The following TMEM102 variants were observed in gnomAD, a reference collection of about 807,000 sequenced individuals.
The protein encoded by TMEM102 is transmembrane protein 102.
TMEM102 carries 28 observed loss-of-function variants against 26.8 expected under a neutral mutation model. The observed-to-expected ratio is 1.05, with a 90% CI of 0.77 to 1.43. TMEM102 has a LOEUF of 1.43. Ranked by LOEUF, TMEM102 falls within the 40% of genes most tolerant of loss-of-function variation. The probability of loss-of-function intolerance (pLI) is 0.00; values close to 1 mark genes in which losing one functional copy is unlikely to be tolerated. For synonymous variants in TMEM102, 306 were observed against 332.1 expected (o/e 0.92, Z 0.86); for missense variants, 677 against 705.6 (o/e 0.96, Z 0.46).
In TMEM102 at chr17:7,437,134, G is replaced by T; in HGVS notation, c.1155G>T (p.Ala385=). The T allele has an allele frequency of 1.4e-6, 2 of 1,457,668 alleles. No individual in the cohort carries two copies. The highest frequency in any genetic ancestry group is 1.5e-5 in the African/African-American group (1 of 66,980). The allele number at this position is 1,457,668 out of a possible 1,614,324, so 90.3% of individuals were successfully genotyped here. A position where few individuals can be genotyped will look rare whatever the true frequency, so the allele number is the denominator to read the frequency against. The change falls in exon 3 of 3, where the codon GCG becomes GCT. Residue 385 remains alanine (A), a synonymous_variant. Coordinates refer to ENST00000323206, the MANE Select transcript of TMEM102 (RefSeq NM_178518.3). The surrounding 1 kb of genome is among the most constrained non-coding windows in gnomAD (Gnocchi z 4.2). ...KARIPAPLLQ[A]HAAAQALLRP... ...GCATACCAGCGCCGCTGCTGCAGGCGCACGCGGCGGCCCAGGCGCTACTGC... is the reference window on the plus strand; with the variant it reads ...GCATACCAGCGCCGCTGCTGCAGGCTCACGCGGCGGCCCAGGCGCTACTGC...
In TMEM102 at chr17:7,436,908, C is replaced by A. The variant is rs202087288; in HGVS notation, c.929C>A (p.Pro310His). The change falls in exon 3 of 3, where the codon CCT becomes CAT. Residue 310 changes from proline (P) to histidine (H), a missense_variant. By Grantham distance (77) the Pro-to-His change is moderately conservative. Coordinates refer to ENST00000323206, the MANE Select transcript of TMEM102 (RefSeq NM_178518.3). The stretch of plus-strand genomic sequence containing the variant: ...GTCCTCCTGGCTACCCCTGAGCCCC[C>A]TCGCCGCCTCCTGCTCTTCGACCTG... The part of the protein sequence containing the change: ...TTVLLATPEP[P>H]RRLLLFDLIP... 3 of 1,608,574 alleles carry A rather than the reference C, an allele frequency of 1.9e-6. No homozygotes were observed. In the African/African-American group the frequency reaches 4.0e-5, roughly 21 times the overall value.
In TMEM102 at chr17:7,436,680, C is replaced by T. The variant is rs1160238956; in HGVS notation, c.701C>T (p.Thr234Ile). The T allele has an allele frequency of 6.2e-7, 1 of 1,613,824 alleles. No homozygotes were observed. Among genetic ancestry groups the T allele is most frequent in the South Asian group, 1.1e-5 (1 of 91,088 alleles). ...CTTGGCTCTACCGCACCTTTGAAAA[C>T]AATGAGTAGTGACGTCACCAAGGCA... ...VDLGSTAPLK[T>I]MSSDVTKAAV... is the part of the protein sequence containing the mutation. Residue 234 changes from threonine to isoleucine, a missense_variant, in exon 3 of 3, where the codon ACA (threonine) becomes ATA (isoleucine). Thr to Ile is a moderately conservative substitution (Grantham distance 89, BLOSUM62 -1). Coordinates refer to ENST00000323206, the MANE Select transcript of TMEM102 (RefSeq NM_178518.3).
In TMEM102 at chr17:7,437,469, G is replaced by A; in HGVS notation, c.1490G>A (p.Gly497Glu). The change falls in exon 3 of 3, where the codon GGG (glycine) becomes GAG (glutamate). Residue 497 changes from glycine to glutamate, a missense_variant. Physicochemically the swap from Gly to Glu is moderately conservative, Grantham distance 98. Coordinates refer to ENST00000323206, the MANE Select transcript of TMEM102 (RefSeq NM_178518.3). This position sits in a 1 kb window ranked among gnomAD's most constrained non-coding sequence, Gnocchi z 4.2. ...AVEEAKVARK[G>E]GGLAGVGGGA... ...GAGGAGGCCAAAGTGGCCCGCAAGG[G>A]GGGCGGTTTGGCGGGCGTGGGGGGC... The A allele has an allele frequency of 7.1e-7, 1 of 1,413,772 alleles. No individual in the cohort carries two copies. The highest frequency in any genetic ancestry group is 1.5e-5 in the African/African-American group (1 of 66,138). 87.6% of individuals were successfully genotyped at this position (1,413,772 alleles called of 1,614,324 possible).
At position 7,437,344 on chromosome 17, in the gene TMEM102, G is replaced by C. The variant is rs367677400; in HGVS notation, c.1365G>C (p.Leu455=). The change falls in exon 3 of 3, where the codon CTG becomes CTC. Residue 455 remains leucine (L), a synonymous_variant. Coordinates refer to ENST00000323206, the MANE Select transcript of TMEM102 (RefSeq NM_178518.3). The surrounding 1 kb of genome is among the most constrained non-coding windows in gnomAD (Gnocchi z 4.2). ...CCGGGACGTTGCCTCACTATTTTCT[G>C]AACGGCCGACAGCTCCGTACGGGGG... ...LEAGTLPHYF[L]NGRQLRTGDD... is the part of the protein sequence containing the mutation. The C allele has an allele frequency of 1.3e-5, 21 of 1,573,480 alleles. No homozygotes were observed. The African/African-American group carries it at 2.0e-4, about 15-fold the overall frequency.
At position 7,435,861 on chromosome 17, in the gene TMEM102, G is replaced by T; in HGVS notation, c.-11G>T. On this transcript the variant is annotated 5_prime_UTR_variant, in exon 2 of 3. Coordinates refer to ENST00000323206, the MANE Select transcript of TMEM102 (RefSeq NM_178518.3). Reference sequence around the variant, plus strand: ...TTCCGTGTTTTCCGCAGCCCAAAGCGATAGAACCGCATGGCTTCCGCAGTC... The same window carrying T: ...TTCCGTGTTTTCCGCAGCCCAAAGCTATAGAACCGCATGGCTTCCGCAGTC... 6.3e-7 allele frequency: 1 copy of T among 1,584,502 alleles called. No individual in the cohort carries two copies. Among genetic ancestry groups the T allele is most frequent in the South Asian group, 1.1e-5 (1 of 88,972 alleles).
chr17:7,437,233 G>GCTGCCTGCGCT lies in TMEM102; in HGVS notation c.1257_1267dup (p.Tyr423CysfsTer20), dbSNP rs1166408236. 6.6e-7 allele frequency: 1 copy of GCTGCCTGCGCT among 1,515,298 alleles called. No homozygotes were observed. Among genetic ancestry groups the GCTGCCTGCGCT allele is most frequent in the Non-Finnish European group, 8.8e-7 (1 of 1,134,620 alleles). 93.9% of individuals were successfully genotyped at this position (1,515,298 alleles called of 1,614,324 possible). A position where few individuals can be genotyped will look rare whatever the true frequency, so the allele number is the denominator to read the frequency against. On this transcript the variant is annotated frameshift_variant, in exon 3 of 3. Coordinates refer to ENST00000323206, the MANE Select transcript of TMEM102 (RefSeq NM_178518.3). LOFTEE classifies it high-confidence loss of function. This position sits in a 1 kb window ranked among gnomAD's most constrained non-coding sequence, Gnocchi z 4.2. ...CGCTGCTGTACTGGGCGTGCGAGCG[G>GCTGCCTGCGCT]CTGCCTGCGCTCTACCTGGCGCGGC...
Position 7,436,314 on chromosome 17 carries a change from G to C in TMEM102, c.335G>C (p.Gly112Ala). The C allele has an allele frequency of 1.2e-6, 2 of 1,613,814 alleles. No homozygotes were observed. The highest frequency in any genetic ancestry group is 2.2e-5 in the East Asian group (1 of 44,888). ...GCACCCCTGGGTCCCTACGCCCGGG[G>C]ACCTCACTACGATGCCGGCTTCACA... ...GHAPLGPYAR[G>A]PHYDAGFTLL... is the part of the protein sequence containing the mutation. Residue 112 changes from glycine (G) to alanine (A), a missense_variant, in exon 3 of 3, where the codon GGA becomes GCA. Gly to Ala is a moderately conservative substitution (Grantham distance 60, BLOSUM62 0). Coordinates refer to ENST00000323206, the MANE Select transcript of TMEM102 (RefSeq NM_178518.3).
At position 7,436,492 on chromosome 17, in the gene TMEM102, T is replaced by C. The variant is rs757228543; in HGVS notation, c.513T>C (p.Arg171=). 2 of 1,613,784 alleles carry C rather than the reference T, an allele frequency of 1.2e-6. No individual in the cohort carries two copies. Among genetic ancestry groups the C allele is most frequent in the Non-Finnish European group, 1.7e-6 (2 of 1,180,022 alleles). Residue 171 remains arginine (R), a synonymous_variant, in exon 3 of 3, where the codon CGT becomes CGC. Coordinates refer to ENST00000323206, the MANE Select transcript of TMEM102 (RefSeq NM_178518.3). The part of the protein sequence containing the change: ...DCLGPPVPGA[R]DSIHRTESEE... ...TAGGACCCCCAGTCCCAGGAGCACGTGATTCGATCCACCGAACGGAGAGCG... is the reference window on the plus strand; with the variant it reads ...TAGGACCCCCAGTCCCAGGAGCACGCGATTCGATCCACCGAACGGAGAGCG...
chr17:7,436,102 G>C lies in TMEM102; in HGVS notation c.214+17G>C, dbSNP rs988503665. On this transcript the variant is annotated intron_variant, in intron 2 of 2. Transcript: ENST00000323206. ...CTTTGCTTGGTAAGTAACCCTACTTGCCTTTGGGAACTCACAGCTCTCAGC... is the reference window on the plus strand; with the variant it reads ...CTTTGCTTGGTAAGTAACCCTACTTCCCTTTGGGAACTCACAGCTCTCAGC... 6.2e-7 allele frequency: 1 copy of C among 1,610,502 alleles called. No homozygotes were observed. The highest frequency in any genetic ancestry group is 1.7e-5 in the Admixed American group (1 of 59,984).
rs760966453 is a variant in TMEM102, at chr17:7,437,488, G to T, written c.1509G>T (p.Val503=). 5 of 1,394,588 alleles carry T rather than the reference G, an allele frequency of 3.6e-6. No homozygotes were observed. The highest frequency in any genetic ancestry group is 5.9e-5 in the East Asian group (2 of 33,872). 86.4% of individuals were successfully genotyped at this position (1,394,588 alleles called of 1,614,324 possible). ...VARKGGGLAG[V]GGGAH ...GCAAGGGGGGCGGTTTGGCGGGCGTGGGGGGCGGGGCCCATTAAAGACGCT... is the reference window on the plus strand; with the variant it reads ...GCAAGGGGGGCGGTTTGGCGGGCGTTGGGGGCGGGGCCCATTAAAGACGCT... Residue 503 remains valine (V), a synonymous_variant, in exon 3 of 3, where the codon GTG becomes GTT. Coordinates refer to ENST00000323206, the MANE Select transcript of TMEM102 (RefSeq NM_178518.3). This position sits in a 1 kb window ranked among gnomAD's most constrained non-coding sequence, Gnocchi z 4.2.
At position 7,435,444 on chromosome 17, in the gene TMEM102, T is replaced by C. The variant is rs1907972795; in HGVS notation, c.-272T>C. 1 of 157,912 alleles carries C rather than the reference T, an allele frequency of 6.3e-6. No homozygotes were observed. Among genetic ancestry groups the C allele is most frequent in the Non-Finnish European group, 1.4e-5 (1 of 72,178 alleles). 9.8% of individuals were successfully genotyped at this position (157,912 alleles called of 1,614,324 possible). A position where few individuals can be genotyped will look rare whatever the true frequency, so the allele number is the denominator to read the frequency against. ...CTGAAAATGTAGGGGCGTGGCCACG[T>C]GGGCATCAGGAAGAAGTAACCTGTT... On this transcript the variant is annotated 5_prime_UTR_variant, in exon 1 of 3. Coordinates refer to ENST00000323206, the MANE Select transcript of TMEM102 (RefSeq NM_178518.3).
In TMEM102 at chr17:7,437,451, C is replaced by A; in HGVS notation, c.1472C>A (p.Ala491Asp). ...GCCCTCCGTGCCGCGGTGGAGGAGG[C>A]CAAAGTGGCCCGCAAGGGGGGCGGT... Reference protein sequence around the residue: ...ARALRAAVEEAKVARKGGGLA... With the variant: ...ARALRAAVEEDKVARKGGGLA... Residue 491 changes from alanine to aspartate, a missense_variant, in exon 3 of 3, where the codon GCC (alanine) becomes GAC (aspartate). Physicochemically the swap from Ala to Asp is moderately radical, Grantham distance 126 (BLOSUM62 -2). Coordinates refer to ENST00000323206, the MANE Select transcript of TMEM102 (RefSeq NM_178518.3). This position sits in a 1 kb window ranked among gnomAD's most constrained non-coding sequence, Gnocchi z 4.2. The A allele has an allele frequency of 1.4e-6, 2 of 1,437,652 alleles. No homozygotes were observed. The highest frequency in any genetic ancestry group is 1.8e-6 in the Non-Finnish European group (2 of 1,095,752). 89.1% of individuals were successfully genotyped at this position (1,437,652 alleles called of 1,614,324 possible).
In TMEM102 at chr17:7,436,348, G is replaced by T; in HGVS notation, c.369G>T (p.Val123=). The change falls in exon 3 of 3, where the codon GTG becomes GTT. Residue 123 remains valine (V), a synonymous_variant. Coordinates refer to ENST00000323206, the MANE Select transcript of TMEM102 (RefSeq NM_178518.3). The stretch of plus-strand genomic sequence containing the variant: ...ACGATGCCGGCTTCACACTCCTAGT[G>T]CCCATGTTTTCACTGGACGGCACTG... ...PHYDAGFTLL[V]PMFSLDGTEL... 1.2e-6 allele frequency: 2 copies of T among 1,613,762 alleles called. No homozygotes were observed. The highest frequency in any genetic ancestry group is 3.3e-5 in the Admixed American group (2 of 60,026).
Position 7,437,457 on chromosome 17 carries a change from T to A in TMEM102, c.1478T>A (p.Val493Glu). The A allele has an allele frequency of 7.0e-7, 1 of 1,424,922 alleles. No homozygotes were observed. The allele number at this position is 1,424,922 out of a possible 1,614,324, so 88.3% of individuals were successfully genotyped here. ...ALRAAVEEAKVARKGGGLAGV... is the reference protein window; with the variant it reads ...ALRAAVEEAKEARKGGGLAGV... ...CGTGCCGCGGTGGAGGAGGCCAAAG[T>A]GGCCCGCAAGGGGGGCGGTTTGGCG... The change falls in exon 3 of 3, where the codon GTG becomes GAG. Residue 493 changes from valine (V) to glutamate (E), a missense_variant. Physicochemically the swap from Val to Glu is moderately radical, Grantham distance 121. Coordinates refer to ENST00000323206, the MANE Select transcript of TMEM102 (RefSeq NM_178518.3). The surrounding 1 kb of genome is among the most constrained non-coding windows in gnomAD (Gnocchi z 4.2).
In TMEM102 at chr17:7,437,543, G is replaced by A; in HGVS notation, c.*37G>A. 3 of 1,304,968 alleles carry A rather than the reference G, an allele frequency of 2.3e-6. No individual in the cohort carries two copies. The highest frequency in any genetic ancestry group is 2.0e-6 in the Non-Finnish European group (2 of 1,015,540). The allele number at this position is 1,304,968 out of a possible 1,614,324, so 80.8% of individuals were successfully genotyped here. A position where few individuals can be genotyped will look rare whatever the true frequency, so the allele number is the denominator to read the frequency against. ...CTACCAGTGGAAAGTGCCTCTGTGGGCGAGCGGGACGTGGGGGGCCCTGCT... is the reference window on the plus strand; with the variant it reads ...CTACCAGTGGAAAGTGCCTCTGTGGACGAGCGGGACGTGGGGGGCCCTGCT... On this transcript the variant is annotated 3_prime_UTR_variant, in exon 3 of 3. Transcript: ENST00000323206. The surrounding 1 kb of genome is among the most constrained non-coding windows in gnomAD (Gnocchi z 4.2).
Position 7,435,837 on chromosome 17 carries a change from T to A in TMEM102, c.-19-16T>A. 6.5e-7 allele frequency: 1 copy of A among 1,539,580 alleles called. No homozygotes were observed. Among genetic ancestry groups the A allele is most frequent in the Non-Finnish European group, 8.8e-7 (1 of 1,140,780 alleles). ...TTTGTGGCAGCAAAGCCACCTCCCT[T>A]CCGTGTTTTCCGCAGCCCAAAGCGA... On this transcript the variant is annotated splice_polypyrimidine_tract_variant and intron_variant, in intron 1 of 2. Coordinates refer to ENST00000323206, the MANE Select transcript of TMEM102 (RefSeq NM_178518.3).
In TMEM102 at chr17:7,436,967, G is replaced by A; in HGVS notation, c.988G>A (p.Gly330Arg). ...GGTGTCCGTGGCGGGCTGGCCCGAG[G>A]GGGCTCGGAGCCACTCGTGGGCCGG... ...PVVSVAGWPE[G>R]ARSHSWAGPL... The change falls in exon 3 of 3, where the codon GGG becomes AGG. Residue 330 changes from glycine (G) to arginine (R), a missense_variant. Gly to Arg is a moderately radical substitution (Grantham distance 125, BLOSUM62 -2). Coordinates refer to ENST00000323206, the MANE Select transcript of TMEM102 (RefSeq NM_178518.3). The A allele has an allele frequency of 6.2e-7, 1 of 1,600,870 alleles. No individual in the cohort carries two copies. Among genetic ancestry groups the A allele is most frequent in the East Asian group, 2.2e-5 (1 of 44,818 alleles).
chr17:7,435,761 T>G (rs1907984617), intron 1 of TMEM102, 65 bp downstream of exon 1: 4 of 937,580 alleles, frequency 4.3e-6, no homozygotes, highest in Non-Finnish European at 3.2e-6. Context: ...ATTTGTAGGT[T>G]GTGTCTGGGG....
chr17:7,436,134 A>ACGCCCC (rs750269765), intron 2 of TMEM102, 49 bp downstream of exon 2: 17 of 1,601,458 alleles, frequency 1.1e-5, no homozygotes, highest in South Asian at 3.3e-5. Flanking sequence ...CAGCCTCACC[A>ACGCCCC]CGCCCCCGCC....
Sources: allele counts gnomAD v4.1 joint callset, GRCh38; gene constraint gnomAD v4.1.1; non-coding constraint Gnocchi (gnomAD v3.1); transcripts MANE v1.5; gene names NCBI Gene and HGNC (gene_info 2026-07-23, HGNC 2026-07-21).